Variants in TIAM1 observed in about 807,000 individuals in gnomAD.
The protein encoded by TIAM1 is rho guanine nucleotide exchange factor TIAM1.
A neutral mutation model predicts 163.5 loss-of-function variants in TIAM1; 65 were observed. The observed-to-expected ratio is 0.40, with a 90% CI of 0.33 to 0.49. The LOEUF (loss-of-function observed/expected upper bound fraction) is 0.49, where lower values mean the gene tolerates loss of function less well. Among genes scored for constraint, TIAM1 ranks in the 20% least tolerant of loss-of-function variants. The pLI, the probability that TIAM1 is intolerant of heterozygous loss-of-function variation, is 0.77. For missense variants in TIAM1, 1,789 were observed against 2,044.7 expected (o/e 0.87, Z 2.41); for synonymous variants, 833 against 810.1 (o/e 1.03, Z -0.48).
At chr21:31,438,428 G>C (rs1327061667) in intron 2 of TIAM1, among the ~76,000 whole-genome samples, 1 of 151,900 alleles carries the variant, frequency 6.6e-6, no homozygotes, top group African/African-American at 2.4e-5. Flanking sequence ...CTGACCTCAA[G>C]TGACCCACCC....
chr21:31,469,072 C>T (rs2045641038), intron 1 of TIAM1, among the ~76,000 whole-genome samples: 1 of 142,546 alleles, frequency 7.0e-6, no homozygotes, highest in Non-Finnish European at 1.5e-5. Context: ...CCCAGTGGAA[C>T]CAATCCCTTT....
At chr21:31,234,685 G>T (rs2088645893) in intron 6 of TIAM1, among the ~76,000 whole-genome samples, 1 of 152,030 alleles carries the variant, frequency 6.6e-6, no homozygotes, top group Admixed American at 6.6e-5. Context: ...AGAGGCTGAG[G>T]TGGGAGAACC....
chr21:31,404,045 T>A (rs1331752103), intron 2 of TIAM1, among the ~76,000 whole-genome samples: 1 of 152,210 alleles, frequency 6.6e-6, no homozygotes, highest in Admixed American at 6.5e-5. Context: ...CTCTAACAGT[T>A]ATCATGAAAT....
chr21:31,516,388 G>A (rs1198228282), intron 1 of TIAM1, among the ~76,000 whole-genome samples: 1 of 152,018 alleles, frequency 6.6e-6, no homozygotes, highest in African/African-American at 2.4e-5. Context: ...CTCCAGTCTG[G>A]GTGACAAAGA....
chr21:31,471,206 C>G (rs1172624383), intron 1 of TIAM1, among the ~76,000 whole-genome samples: 1 of 152,186 alleles, frequency 6.6e-6, no homozygotes, highest in Admixed American at 6.5e-5. Flanking sequence ...GTGGGCACAA[C>G]GAAGCCCGGA....
intron 3 of TIAM1, among the ~76,000 whole-genome samples, chr21:31,271,722 C>A (rs1386769572): frequency 1.8e-5 from 2 of 111,620 alleles, no homozygotes; most frequent in African/African-American, 8.2e-5. Context: ...ACTGCTCAGG[C>A]CTAGGACGAT....
intron 16 of TIAM1, among the ~76,000 whole-genome samples, chr21:31,155,526 A>G (rs932869172): frequency 6.6e-6 from 1 of 151,156 alleles, no homozygotes; most frequent in Non-Finnish European, 1.5e-5. Flanking sequence ...TTTTTTTGAG[A>G]CGGAGTCTCG....
At chr21:31,152,910 T>C in intron 18 of TIAM1, 149 bp from the exon 19 acceptor site, 3 of 1,283,374 alleles carry the variant, frequency 2.3e-6, no homozygotes, top group Non-Finnish European at 3.2e-6. Context: ...TTACTCTTCA[T>C]GAGCACACCA....
intron 2 of TIAM1, among the ~76,000 whole-genome samples, chr21:31,284,830 G>A (rs1489139485): frequency 6.6e-6 from 1 of 152,028 alleles, no homozygotes; most frequent in Non-Finnish European, 1.5e-5. Flanking sequence ...CAAGCCTGAA[G>A]TTCAGCCTTG....
In TIAM1 at chr21:31,395,113, C is replaced by T. The variant is rs1287676417; in HGVS notation, c.-368-55691G>A. Among the ~76,000 whole-genome samples, 31 of 152,230 alleles carry T rather than the reference C, an allele frequency of 2.0e-4. No individual in the cohort carries two copies. On this transcript the variant is annotated intron_variant, in intron 2 of 28. Transcript: ENST00000286827. This position sits in a 1 kb window ranked among gnomAD's most constrained non-coding sequence, Gnocchi z 7.5. ...ATTAGCCAGGCATGGTGGCGCGTGC[C>T]TGTAGTCCCAGCTACTTGGGAGGCT...
intron 27 of TIAM1, among the ~76,000 whole-genome samples, chr21:31,121,627 A>G (rs1412794269): frequency 6.6e-6 from 1 of 152,196 alleles, no homozygotes; most frequent in Non-Finnish European, 1.5e-5. Flanking sequence ...ATTCTTCTCC[A>G]AAGCAATTAA....
At chr21:31,125,728 C>T (rs1418077618) in intron 26 of TIAM1, among the ~76,000 whole-genome samples, 1 of 152,252 alleles carries the variant, frequency 6.6e-6, no homozygotes, top group African/African-American at 2.4e-5. Context: ...GCACCTGCCA[C>T]CAGGCATGGC....
At chr21:31,225,495 G>C (rs2070414) in intron 7 of TIAM1, among the ~76,000 whole-genome samples, 15,617 of 151,904 alleles carry the variant, frequency 0.1, 1,247 homozygotes, top group East Asian at 0.39. Flanking sequence ...TCCTCTACTG[G>C]GTTTCTGTCT....
intron 1 of TIAM1, among the ~76,000 whole-genome samples, chr21:31,508,764 A>C (rs768312137): frequency 2.5e-4 from 38 of 152,092 alleles, no homozygotes; most frequent in Non-Finnish European, 7.4e-5. Context: ...CTGTAGGGTG[A>C]GTGTGCCCTT....
chr21:31,408,277 G>C (rs1027369710), intron 2 of TIAM1, among the ~76,000 whole-genome samples: 5 of 152,154 alleles, frequency 3.3e-5, no homozygotes, highest in African/African-American at 1.2e-4. Flanking sequence ...AAAAGAGAAA[G>C]ACAAAGAGAA....
Position 31,222,154 on chromosome 21 carries a change from C to T in TIAM1, c.1995+1252G>A, listed in dbSNP as rs551322442. 7.2e-5 allele frequency among the ~76,000 whole-genome samples: 11 copies of T among 152,292 alleles called. No homozygotes were observed. The South Asian group carries it at 1.9e-3, about 26-fold the overall frequency. On this transcript the variant is annotated intron_variant, in intron 8 of 27. Transcript: ENST00000541036. ...CTAATCTATTTATAAAGAATACAAA[C>T]GCCTCTGACTGAATTATAGCTCTGA...
At chr21:31,197,346 G>A (rs925526749) in intron 12 of TIAM1, among the ~76,000 whole-genome samples, 1 of 151,592 alleles carries the variant, frequency 6.6e-6, no homozygotes, top group Non-Finnish European at 1.5e-5. Context: ...CATAAATGTT[G>A]TTTAAATTAA....
At chr21:31,317,332 T>C (rs1172529604) in intron 2 of TIAM1, among the ~76,000 whole-genome samples, 1 of 152,074 alleles carries the variant, frequency 6.6e-6, no homozygotes, top group Non-Finnish European at 1.5e-5. Flanking sequence ...CACATGCTTG[T>C]CATCCCAGCT....
chr21:31,336,119 A>G (rs1053157665), intron 2 of TIAM1, among the ~76,000 whole-genome samples: 1 of 152,202 alleles, frequency 6.6e-6, no homozygotes, highest in Non-Finnish European at 1.5e-5. Context: ...GAAGATGTCC[A>G]AGACAGAATA....
Sources: allele counts gnomAD v4.1 joint callset (sites outside exome capture counted in the v4.1 genomes callset), GRCh38; gene constraint gnomAD v4.1.1; non-coding constraint Gnocchi (gnomAD v3.1); transcripts MANE v1.5; gene names NCBI Gene and HGNC (gene_info 2026-07-23, HGNC 2026-07-21).